The following HPSE2 variants were observed in gnomAD, a reference collection of about 807,000 sequenced individuals.
HPSE2 encodes the protein heparanase 2 (inactive), also known as inactive heparanase-2.
Under a neutral mutation model 60.5 loss-of-function variants are expected in HPSE2, and 38 were observed. The observed-to-expected ratio is 0.63, with a 90% CI of 0.48 to 0.82. HPSE2 has a LOEUF of 0.82. HPSE2 is among the 40% of genes least tolerant of loss of function. HPSE2 has a pLI of 0.00. For missense variants in HPSE2, 713 were observed against 740.4 expected (o/e 0.96, Z 0.43); for synonymous variants, 295 against 293.2 (o/e 1.01, Z -0.06).
chr10:98,968,529 T>C (rs565604915), intron 3 of HPSE2, among the ~76,000 whole-genome samples: 1 of 152,288 alleles, frequency 6.6e-6, no homozygotes, highest in East Asian at 1.9e-4. Flanking sequence ...TAAGTTGTTA[T>C]ATGAAAAAGA....
chr10:98,721,825 G>A lies in HPSE2; in HGVS notation c.788C>T (p.Pro263Leu). The change falls in exon 5 of 12, where the codon CCA (proline) becomes CTA (leucine). Residue 263 changes from proline (P) to leucine (L), a missense_variant. Pro to Leu is a moderately conservative substitution (Grantham distance 98). Coordinates refer to ENST00000370552, the MANE Select transcript of HPSE2 (RefSeq NM_021828.5). ...GCCATGCATGGTCCGATAGTTATTT[G>A]GCTCTAGATTAAAAGCAGACATGTA... ...YNISWELGNE[P>L]NNYRTMHGRA... is the part of the protein sequence containing the mutation. 6.2e-7 allele frequency: 1 copy of A among 1,612,998 alleles called. No individual in the cohort carries two copies. Among genetic ancestry groups the A allele is most frequent in the Non-Finnish European group, 8.5e-7 (1 of 1,179,564 alleles).
the HPSE2 span, among the ~76,000 whole-genome samples, chr10:99,249,071 T>A: frequency 2.9e-3 from 435 of 152,184 alleles, 3 homozygotes; most frequent in African/African-American, 1.0e-2. Context: ...ACCAGGATAG[T>A]GTGGAGGGGA....
chr10:99,030,947 G>A (rs1957484976), intron 3 of HPSE2, among the ~76,000 whole-genome samples: 2 of 152,140 alleles, frequency 1.3e-5, no homozygotes, highest in Non-Finnish European at 2.9e-5. Context: ...TGGACTTAAT[G>A]GACAGAGAGA....
intron 3 of HPSE2, among the ~76,000 whole-genome samples, chr10:99,026,571 C>A (rs1181870112): frequency 2.0e-5 from 3 of 152,086 alleles, no homozygotes; most frequent in African/African-American, 7.2e-5. Flanking sequence ...ATATTCCAGA[C>A]AGAAAATCCA....
At chr10:99,048,186 G>T in intron 3 of HPSE2, 1 of 657,564 alleles carries the variant, frequency 1.5e-6, no homozygotes. Context: ...GGTAAATATG[G>T]CATCATCTGC....
At chr10:98,602,105 C>G (rs1945443619) in intron 9 of HPSE2, among the ~76,000 whole-genome samples, 1 of 152,122 alleles carries the variant, frequency 6.6e-6, no homozygotes, top group Admixed American at 6.6e-5. Flanking sequence ...GTGAGTGATG[C>G]TGAGGAGTAA....
At chr10:98,870,245 T>C (rs1014284324) in intron 3 of HPSE2, among the ~76,000 whole-genome samples, 6 of 152,190 alleles carry the variant, frequency 3.9e-5, no homozygotes, top group African/African-American at 1.4e-4. Flanking sequence ...GAACCCAAAG[T>C]TGAATGTATA....
At chr10:98,838,230 T>C (rs1040553167) in intron 3 of HPSE2, among the ~76,000 whole-genome samples, 2 of 152,160 alleles carry the variant, frequency 1.3e-5, no homozygotes, top group Non-Finnish European at 2.9e-5. Context: ...TTACTGGTTG[T>C]ATAACCATAG....
chr10:99,121,127 G>A (rs867746809), intron 3 of HPSE2, among the ~76,000 whole-genome samples: 30 of 152,258 alleles, frequency 2.0e-4, no homozygotes, highest in African/African-American at 7.0e-4. Context: ...AAAAGTAAGA[G>A]CATGATCTTT....
intron 6 of HPSE2, among the ~76,000 whole-genome samples, chr10:98,647,100 T>C (rs1044766476): frequency 2.0e-5 from 3 of 152,174 alleles, no homozygotes; most frequent in Non-Finnish European, 4.4e-5. Context: ...CAAAGCATCT[T>C]ACTCTTATTT....
At chr10:98,841,248 G>A (rs566630053) in intron 3 of HPSE2, among the ~76,000 whole-genome samples, 141 of 152,182 alleles carry the variant, frequency 9.3e-4, no homozygotes, top group Non-Finnish European at 1.5e-3. Context: ...CAGAGCAAGA[G>A]ACGCTGTCTC....
At chr10:99,192,044 C>T (rs1029969982) in intron 2 of HPSE2, among the ~76,000 whole-genome samples, 1 of 151,942 alleles carries the variant, frequency 6.6e-6, no homozygotes, top group Non-Finnish European at 1.5e-5. Context: ...GGTATTTGAA[C>T]ATACATAGAG....
chr10:99,160,744 A>G (rs1486664680), intron 2 of HPSE2, among the ~76,000 whole-genome samples: 1 of 151,052 alleles, frequency 6.6e-6, no homozygotes, highest in Non-Finnish European at 1.5e-5. Flanking sequence ...CTAAAAATAC[A>G]AAAAATTAGC....
intron 2 of HPSE2, among the ~76,000 whole-genome samples, chr10:99,178,968 C>T (rs1242058725): frequency 2.6e-5 from 4 of 152,142 alleles, no homozygotes; most frequent in African/African-American, 9.7e-5. Context: ...GTTCAACATA[C>T]ACAAATCAAT....
chr10:98,620,502 T>C (rs1946043572), intron 8 of HPSE2, 100 bp downstream of exon 8: 2 of 830,506 alleles, frequency 2.4e-6, no homozygotes, highest in Non-Finnish European at 4.1e-6. Context: ...ACGGGAAACA[T>C]GCCTCACCCC....
At chr10:98,753,678 C>T (rs577119489) in intron 3 of HPSE2, among the ~76,000 whole-genome samples, 6 of 152,130 alleles carry the variant, frequency 3.9e-5, no homozygotes, top group South Asian at 2.1e-4. Flanking sequence ...ACCTTGGGGG[C>T]CGGAGGACAA....
At chr10:98,585,464 G>T (rs1174284381) in intron 9 of HPSE2, among the ~76,000 whole-genome samples, 1 of 151,144 alleles carries the variant, frequency 6.6e-6, no homozygotes, top group African/African-American at 2.4e-5. Context: ...GTAGAGATGG[G>T]GTTTCACCAT....
In HPSE2 at chr10:99,126,579, C is replaced by T. The variant is rs1845172663; in HGVS notation, c.610+17659G>A. On this transcript the variant is annotated intron_variant, in intron 3 of 11. Transcript: ENST00000370552. This position sits in a 1 kb window ranked among gnomAD's most constrained non-coding sequence, Gnocchi z 4.0. The stretch of plus-strand genomic sequence containing the variant: ...CAACTCATGACAGAATAACCCTGCT[C>T]CCCCAAGAATAAGGAAACAACAGGT... Among the ~76,000 whole-genome samples, 1 of 152,114 alleles carries T rather than the reference C, an allele frequency of 6.6e-6. No individual in the cohort carries two copies. The highest frequency in any genetic ancestry group is 1.5e-5 in the Non-Finnish European group (1 of 68,018).
intron 9 of HPSE2, among the ~76,000 whole-genome samples, chr10:98,516,976 T>C (rs1942621902): frequency 6.6e-6 from 1 of 152,188 alleles, no homozygotes; most frequent in South Asian, 2.1e-4. Context: ...ACTAGGATTG[T>C]CAAAGTTCCT....
Sources: allele counts gnomAD v4.1 joint callset (sites outside exome capture counted in the v4.1 genomes callset), GRCh38; gene constraint gnomAD v4.1.1; non-coding constraint Gnocchi (gnomAD v3.1); transcripts MANE v1.5; gene names NCBI Gene and HGNC (gene_info 2026-07-23, HGNC 2026-07-21).